Variants in PHF21A observed in about 807,000 individuals in gnomAD.
The protein encoded by PHF21A is PHD finger protein 21A.
In PHF21A, 11 loss-of-function variants were observed where a neutral mutation model predicts 82.5. The ratio of observed to expected loss-of-function variants is 0.13; its 90% confidence interval spans 0.08 to 0.22. The LOEUF is 0.22. Among genes scored for constraint, PHF21A ranks in the 10% least tolerant of loss-of-function variants. The pLI is 1.00. For synonymous variants in PHF21A, 297 were observed against 302.8 expected (o/e 0.98, Z 0.20); for missense variants, 579 against 837.8 (o/e 0.69, Z 3.81).
intron 6 of PHF21A, among the ~76,000 whole-genome samples, chr11:46,036,138 A>T (rs1196514406): frequency 1.3e-5 from 2 of 152,254 alleles, no homozygotes; most frequent in Admixed American, 1.3e-4. Flanking sequence ...ATGATGACTG[A>T]ATTTCGGAGA....
At position 45,982,411 on chromosome 11, in the gene PHF21A, TTTAAAGTC is replaced by T. The variant is rs1217672859; in HGVS notation, c.154-2453_154-2446del. The stretch of plus-strand genomic sequence containing the variant: ...ATATTTTTTTTTAAATGATGCAGAG[TTTAAAGTC>T]TTTGCAGAAACTATCTGCAGAATAA... On this transcript the variant is annotated intron_variant, in intron 6 of 18. Coordinates refer to ENST00000676320, the MANE Select transcript of PHF21A (RefSeq NM_001352027.3). Among the ~76,000 whole-genome samples the T allele has an allele frequency of 3.2e-4, 49 of 151,978 alleles. 1 individual carries two copies. Among genetic ancestry groups the T allele is most frequent in the Non-Finnish European group, 2.9e-5 (2 of 67,996 alleles).
chr11:46,091,680 A>T (rs1455736600), intron 2 of PHF21A, among the ~76,000 whole-genome samples: 1 of 152,218 alleles, frequency 6.6e-6, no homozygotes, highest in African/African-American at 2.4e-5. Flanking sequence ...CATCAAATAG[A>T]ACAGCATATT....
intron 7 of PHF21A, among the ~76,000 whole-genome samples, chr11:45,977,101 G>A (rs1417678554): frequency 6.6e-6 from 1 of 151,632 alleles, no homozygotes; most frequent in Non-Finnish European, 1.5e-5. Flanking sequence ...ACCAGGGAAA[G>A]GAAAAGCTAT....
chr11:46,032,430 T>G (rs773144122), intron 6 of PHF21A, among the ~76,000 whole-genome samples: 43 of 152,178 alleles, frequency 2.8e-4, no homozygotes, highest in Non-Finnish European at 5.7e-4. Context: ...TGAAAATCAG[T>G]ATCATCTACT....
At chr11:46,045,095 C>T (rs2096235719) in intron 6 of PHF21A, among the ~76,000 whole-genome samples, 1 of 152,104 alleles carries the variant, frequency 6.6e-6, no homozygotes, top group African/African-American at 2.4e-5. Context: ...GTGTTCATTC[C>T]TATATCCCTG....
chr11:45,957,936 G>A (rs985321046), intron 10 of PHF21A, among the ~76,000 whole-genome samples: 1 of 151,904 alleles, frequency 6.6e-6, no homozygotes, highest in Non-Finnish European at 1.5e-5. Context: ...AAATGAAACT[G>A]AGGACATTAC....
intron 3 of PHF21A, among the ~76,000 whole-genome samples, chr11:46,090,158 T>C (rs2096907272): frequency 6.7e-6 from 1 of 149,598 alleles, no homozygotes; most frequent in African/African-American, 2.5e-5. Flanking sequence ...ATGGAGGAGG[T>C]TGGGGAGTAA....
chr11:46,068,106 G>A (rs946489395), intron 6 of PHF21A, among the ~76,000 whole-genome samples: 1 of 152,088 alleles, frequency 6.6e-6, no homozygotes, highest in Non-Finnish European at 1.5e-5. Context: ...AGAATTTATG[G>A]GGTATGTATG....
intron 1 of PHF21A, among the ~76,000 whole-genome samples, chr11:46,098,022 A>G (rs965601875): frequency 3.3e-5 from 5 of 152,206 alleles, no homozygotes; most frequent in African/African-American, 1.2e-4. Context: ...ATAGGGAGCC[A>G]GGATTAGAAA....
intron 6 of PHF21A, among the ~76,000 whole-genome samples, chr11:46,039,375 G>A (rs2096077323): frequency 6.6e-6 from 1 of 152,102 alleles, no homozygotes; most frequent in Admixed American, 6.5e-5. Context: ...TAAAGGTTTA[G>A]CTAAATCAAT....
intron 6 of PHF21A, among the ~76,000 whole-genome samples, chr11:46,054,176 G>C (rs1031769661): frequency 2.6e-5 from 4 of 152,064 alleles, no homozygotes; most frequent in Non-Finnish European, 5.9e-5. Flanking sequence ...TCTAACTATA[G>C]TCAGAGAAGA....
chr11:46,050,787 T>C (rs2096349882), intron 6 of PHF21A, among the ~76,000 whole-genome samples: 1 of 152,212 alleles, frequency 6.6e-6, no homozygotes, highest in Non-Finnish European at 1.5e-5. Flanking sequence ...CCTATGTGGC[T>C]CTTGGCATTG....
chr11:45,982,921 A>G (rs151205906), intron 6 of PHF21A, among the ~76,000 whole-genome samples: 102 of 152,340 alleles, frequency 6.7e-4, no homozygotes, highest in African/African-American at 2.4e-3. Context: ...ACCAGTCACA[A>G]AAGGAAAGGG....
At chr11:45,936,593 C>T in intron 16 of PHF21A, 24 bp from the exon 17 acceptor site, 1 of 1,535,696 alleles carries the variant, frequency 6.5e-7, no homozygotes, top group Non-Finnish European at 9.0e-7. Context: ...TAGAATTTTA[C>T]CTTGAGAAGG....
chr11:45,979,489 G>A (rs1040237294), intron 7 of PHF21A, among the ~76,000 whole-genome samples: 4 of 152,182 alleles, frequency 2.6e-5, no homozygotes, highest in African/African-American at 9.7e-5. Flanking sequence ...CTGCTGTAAA[G>A]CAGATAATTG....
At chr11:46,094,981 C>T (rs1389426491) in intron 1 of PHF21A, among the ~76,000 whole-genome samples, 1 of 152,212 alleles carries the variant, frequency 6.6e-6, no homozygotes, top group African/African-American at 2.4e-5. Context: ...CTGCTTCCTA[C>T]TATATGCTAA....
chr11:46,020,545 C>T (rs2095607662), intron 6 of PHF21A, among the ~76,000 whole-genome samples: 1 of 152,170 alleles, frequency 6.6e-6, no homozygotes, highest in Non-Finnish European at 1.5e-5. Flanking sequence ...TTTTCTGCTT[C>T]CCTTGCGTCT....
chr11:45,947,236 C>G (rs974422996), intron 14 of PHF21A, among the ~76,000 whole-genome samples: 6 of 152,086 alleles, frequency 3.9e-5, no homozygotes, highest in Non-Finnish European at 8.8e-5. Context: ...ATATCTAAGT[C>G]AGGGCCCTTG....
At chr11:46,039,404 A>G (rs1261603733) in intron 6 of PHF21A, among the ~76,000 whole-genome samples, 1 of 152,220 alleles carries the variant, frequency 6.6e-6, no homozygotes, top group Non-Finnish European at 1.5e-5. Flanking sequence ...GGCTGTAAAA[A>G]GTCCAAGTCT....
Sources: gnomAD v4.1 joint callset for allele counts (sites outside exome capture counted in the v4.1 genomes callset) on GRCh38, gnomAD v4.1.1 for gene constraint, MANE v1.5 for transcripts, NCBI Gene and HGNC (gene_info 2026-07-23, HGNC 2026-07-21) for gene names.